Variants in AUTS2 observed in about 807,000 individuals in gnomAD.
The protein encoded by AUTS2 is autism susceptibility gene 2 protein.
A neutral mutation model predicts 112.4 loss-of-function variants in AUTS2; 17 were observed. The observed-to-expected ratio is 0.15, with a 90% confidence interval of 0.10 to 0.23. The LOEUF (loss-of-function observed/expected upper bound fraction) is 0.23. Ranked by LOEUF, AUTS2 falls within the 10% of genes least tolerant of loss-of-function variation. The pLI is 1.00. For missense variants in AUTS2, 1,510 were observed against 1,701.6 expected, an observed-to-expected ratio of 0.89 and a Z score of 1.98; for synonymous variants, 751 against 702.7, an observed-to-expected ratio of 1.07 and a Z score of -1.09.
intron 1 of AUTS2, among the ~76,000 whole-genome samples, chr7:69,808,416 A>G (rs974504629): frequency 1.9e-4 from 29 of 152,246 alleles, no homozygotes; most frequent in African/African-American, 6.5e-4. Flanking sequence ...AATGAATGCT[A>G]TCATGGCACT....
intron 1 of AUTS2, among the ~76,000 whole-genome samples, chr7:69,721,697 T>C (rs1454586844): frequency 6.6e-6 from 1 of 152,192 alleles, no homozygotes; most frequent in Non-Finnish European, 1.5e-5. Flanking sequence ...CTGTGAGCTT[T>C]GAGAAATAAG....
At chr7:70,368,326 G>A (rs1015619775) in intron 4 of AUTS2, among the ~76,000 whole-genome samples, 1 of 152,138 alleles carries the variant, frequency 6.6e-6, no homozygotes, top group Non-Finnish European at 1.5e-5. Flanking sequence ...AGATATTAAA[G>A]GTGCAAGAGA....
intron 2 of AUTS2, among the ~76,000 whole-genome samples, chr7:70,117,104 G>GTTTTTTTTTTTTTTTTTTTT (rs61076536): frequency 7.6e-5 from 6 of 78,442 alleles, no homozygotes; most frequent in African/African-American, 1.9e-4. Flanking sequence ...GATGACTTTT[G>GTTTTTTTTTTTTTTTTTTTT]TTTTTTTTTT....
chr7:69,707,703 A>G (rs1367031098), intron 1 of AUTS2, among the ~76,000 whole-genome samples: 2 of 152,208 alleles, frequency 1.3e-5, no homozygotes, highest in African/African-American at 4.8e-5. Context: ...GGATTAACAT[A>G]TATGAATCTG....
intron 6 of AUTS2, among the ~76,000 whole-genome samples, chr7:70,728,903 C>G (rs1416501020): frequency 6.6e-6 from 1 of 152,046 alleles, no homozygotes; most frequent in Non-Finnish European, 1.5e-5. Context: ...CTCCACAGAT[C>G]GTTTCCTTAA....
At chr7:70,303,664 A>G (rs1057012751) in intron 4 of AUTS2, among the ~76,000 whole-genome samples, 5 of 152,048 alleles carry the variant, frequency 3.3e-5, no homozygotes, top group East Asian at 1.9e-4. Context: ...GTGCTATACA[A>G]TTTGGAGGTT....
chr7:70,478,750 T>C (rs1279047051), intron 5 of AUTS2, among the ~76,000 whole-genome samples: 4 of 152,098 alleles, frequency 2.6e-5, no homozygotes, highest in African/African-American at 9.7e-5. Context: ...CTTGTTTTTT[T>C]TTTTTTGCTC....
At chr7:70,055,449 TA>T (rs1362807359) in intron 2 of AUTS2, among the ~76,000 whole-genome samples, 4 of 152,230 alleles carry the variant, frequency 2.6e-5, no homozygotes, top group Non-Finnish European at 5.9e-5. Flanking sequence ...AAAAAAATTC[TA>T]TATTTGATTT....
At chr7:69,906,160 G>C (rs1170337944) in intron 2 of AUTS2, among the ~76,000 whole-genome samples, 1 of 152,178 alleles carries the variant, frequency 6.6e-6, no homozygotes, top group Non-Finnish European at 1.5e-5. Flanking sequence ...GTACACTTTT[G>C]GTAGTTGATG....
At chr7:69,621,154 G>C (rs1338128319) in intron 1 of AUTS2, among the ~76,000 whole-genome samples, 1 of 152,146 alleles carries the variant, frequency 6.6e-6, no homozygotes, top group Non-Finnish European at 1.5e-5. Context: ...TCACAGAGTG[G>C]TTCTATGAGG....
At chr7:70,062,580 C>T (rs1802304054) in intron 2 of AUTS2, among the ~76,000 whole-genome samples, 1 of 151,736 alleles carries the variant, frequency 6.6e-6, no homozygotes, top group African/African-American at 2.4e-5. Flanking sequence ...TCACAAGTTG[C>T]AATTTGATAT....
chr7:69,998,843 G>T (rs1799063456), intron 2 of AUTS2, among the ~76,000 whole-genome samples: 1 of 152,152 alleles, frequency 6.6e-6, no homozygotes, highest in African/African-American at 2.4e-5. Flanking sequence ...TTAATAAGGT[G>T]GTTAGGGTAG....
At chr7:70,302,643 C>A (rs1789272296) in intron 4 of AUTS2, among the ~76,000 whole-genome samples, 1 of 151,836 alleles carries the variant, frequency 6.6e-6, no homozygotes. Flanking sequence ...AGTATAATTT[C>A]CATAATAAAA....
chr7:70,131,089 A>G (rs540437234), intron 3 of AUTS2, among the ~76,000 whole-genome samples: 11 of 152,092 alleles, frequency 7.2e-5, no homozygotes, highest in Admixed American at 1.3e-4. Flanking sequence ...CTCTTTTGCT[A>G]TATAGTTTGG....
At chr7:70,765,294 A>G (rs1421880484) in intron 8 of AUTS2, among the ~76,000 whole-genome samples, 2 of 152,146 alleles carry the variant, frequency 1.3e-5, no homozygotes, top group Non-Finnish European at 2.9e-5. Context: ...GGTCAGACCC[A>G]GGTAGTGTGT....
At chr7:69,805,018 T>C (rs1790239597) in intron 1 of AUTS2, among the ~76,000 whole-genome samples, 1 of 152,216 alleles carries the variant, frequency 6.6e-6, no homozygotes, top group Non-Finnish European at 1.5e-5. Context: ...TTTTAACTTT[T>C]ATATGAGAGA....
intron 6 of AUTS2, among the ~76,000 whole-genome samples, chr7:70,757,632 A>G (rs1320968893): frequency 2.6e-5 from 4 of 151,876 alleles, no homozygotes; most frequent in Admixed American, 6.6e-5. Context: ...TTTTCATAAA[A>G]TCCATTTTAT....
intron 5 of AUTS2, among the ~76,000 whole-genome samples, chr7:70,579,418 T>C (rs1314748087): frequency 6.6e-6 from 1 of 151,918 alleles, no homozygotes; most frequent in East Asian, 1.9e-4. Context: ...ACTTTTTTTC[T>C]TGAGACAATG....
chr7:70,732,598 T>A (rs11764092), intron 6 of AUTS2, among the ~76,000 whole-genome samples: 1 of 151,918 alleles, frequency 6.6e-6, no homozygotes, highest in Non-Finnish European at 1.5e-5. Flanking sequence ...TCCTTATCGT[T>A]TTGACTCTTC....
Sources: gnomAD v4.1 joint callset for allele counts (sites outside exome capture counted in the v4.1 genomes callset) on GRCh38, gnomAD v4.1.1 for gene constraint, MANE v1.5 for transcripts, NCBI Gene and HGNC (gene_info 2026-07-23, HGNC 2026-07-21) for gene names.